Variants in ZC3H12C observed in about 807,000 individuals in gnomAD.
ZC3H12C encodes zinc finger CCCH-type containing 12C, also known as probable ribonuclease ZC3H12C.
ZC3H12C carries 20 observed loss-of-function variants against 76.3 expected under a neutral mutation model. The ratio of observed to expected loss-of-function variants is 0.26; its 90% confidence interval spans 0.18 to 0.38. ZC3H12C has a LOEUF of 0.38. ZC3H12C is among the 10% of genes least tolerant of loss of function. The probability of loss-of-function intolerance (pLI) is 1.00; values close to 1 mark genes in which losing one functional copy is unlikely to be tolerated. For missense variants in ZC3H12C, 874 were observed against 1,086.5 expected (o/e 0.80, Z 2.75); for synonymous variants, 352 against 399.6 (o/e 0.88, Z 1.42).
chr11:110,137,011 C>G lies in ZC3H12C; in HGVS notation c.370C>G (p.Pro124Ala). The stretch of plus-strand genomic sequence containing the variant: ...GACTCACAGACAGCTCTGCAGGTCT[C>G]CCTGTTTAGAGCCTCACATACTCAA... ...TKTHRQLCRS[P>A]CLEPHILKRN... Residue 124 changes from proline (P) to alanine (A), a missense_variant, in exon 2 of 6, where the codon CCC (proline) becomes GCC (alanine). Transcript: ENST00000278590. 1.2e-6 allele frequency: 2 copies of G among 1,613,820 alleles called. No individual in the cohort carries two copies. Among genetic ancestry groups the G allele is most frequent in the Non-Finnish European group, 1.7e-6 (2 of 1,179,866 alleles).
intron 3 of ZC3H12C, among the ~76,000 whole-genome samples, chr11:110,157,964 A>G (rs1222801553): frequency 6.6e-6 from 1 of 152,238 alleles, no homozygotes; most frequent in East Asian, 1.9e-4. Context: ...ATGGATTGAA[A>G]AAAACTTAGT....
In ZC3H12C at chr11:110,163,201, C is replaced by G. The variant is rs192833108; in HGVS notation, c.1149-72C>G. ...AAAATTCCTTATAGAGGGAACAAAT[C>G]TTTGTACTCTTTTTAGAATTAAATT... On this transcript the variant is annotated intron_variant, in intron 4 of 5. Transcript: ENST00000278590. The G allele has an allele frequency of 4.3e-5, 58 of 1,353,958 alleles. No individual in the cohort carries two copies. In the Admixed American group the frequency reaches 1.1e-3, roughly 25 times the overall value. The allele number at this position is 1,353,958 out of a possible 1,614,324, so 83.9% of individuals were successfully genotyped here.
At chr11:110,159,917 T>A (rs1318012163) in intron 4 of ZC3H12C, among the ~76,000 whole-genome samples, 1 of 152,262 alleles carries the variant, frequency 6.6e-6, no homozygotes, top group Non-Finnish European at 1.5e-5. Context: ...GATTTCATTG[T>A]GGGTATGAAC....
chr11:110,135,667 G>A (rs1197828080), intron 1 of ZC3H12C, among the ~76,000 whole-genome samples: 1 of 151,874 alleles, frequency 6.6e-6, no homozygotes, highest in African/African-American at 2.4e-5. Flanking sequence ...AATAGTAAAA[G>A]TATTCTTATA....
intron 1 of ZC3H12C, chr11:110,131,375 TTAAAG>T (rs1320548552): frequency 2.5e-6 from 1 of 398,502 alleles, no homozygotes; most frequent in Non-Finnish European, 4.4e-6. Flanking sequence ...CATTTGGAAC[TTAAAG>T]TCAAGTTATA....
At chr11:110,122,340 A>AT (rs1259845838) in intron 1 of ZC3H12C, among the ~76,000 whole-genome samples, 2 of 152,136 alleles carry the variant, frequency 1.3e-5, no homozygotes, top group Non-Finnish European at 2.9e-5. Flanking sequence ...TAAAATACGC[A>AT]TTTTTGGTCA....
At chr11:110,144,367 G>A (rs1019648203) in intron 2 of ZC3H12C, among the ~76,000 whole-genome samples, 2 of 152,132 alleles carry the variant, frequency 1.3e-5, no homozygotes, top group Admixed American at 6.6e-5. Context: ...TTCTCACAAC[G>A]CTATGAGGTA....
At chr11:110,131,081 C>CA in intron 1 of ZC3H12C, 1 of 1,535,078 alleles carries the variant, frequency 6.5e-7, no homozygotes, top group East Asian at 2.4e-5. Context: ...CTACAGAAAC[C>CA]AATGTCTTTG....
intron 2 of ZC3H12C, among the ~76,000 whole-genome samples, chr11:110,147,898 T>C (rs1339781545): frequency 2.0e-5 from 3 of 152,176 alleles, no homozygotes; most frequent in African/African-American, 4.8e-5. Flanking sequence ...CATTAGAATA[T>C]TCTAATAAGG....
Position 110,117,842 on chromosome 11 carries a change from T to TAC in ZC3H12C, c.22-18811_22-18810dup, listed in dbSNP as rs879315428. ...TACACACACACATATAATATATATA[T>TAC]ACACACACACATATATATAATATAT... On this transcript the variant is annotated intron_variant, in intron 1 of 5. Coordinates refer to ENST00000278590, the MANE Select transcript of ZC3H12C (RefSeq NM_033390.2). 2.3e-5 allele frequency among the ~76,000 whole-genome samples: 3 copies of TAC among 127,914 alleles called. 1 individual carries two copies. Among genetic ancestry groups the TAC allele is most frequent in the Non-Finnish European group, 4.7e-5 (3 of 63,418 alleles). The allele number at this position is 127,914 out of a possible 152,430, so 83.9% of individuals were successfully genotyped here. A position where few individuals can be genotyped will look rare whatever the true frequency, so the allele number is the denominator to read the frequency against.
chr11:110,101,276 T>C (rs1199890994), intron 1 of ZC3H12C, among the ~76,000 whole-genome samples: 1 of 151,948 alleles, frequency 6.6e-6, no homozygotes, highest in East Asian at 1.9e-4. Flanking sequence ...AAAGCAAGAG[T>C]GTTAGGTGAA....
intron 1 of ZC3H12C, among the ~76,000 whole-genome samples, chr11:110,114,986 G>A (rs1475057304): frequency 6.6e-6 from 1 of 152,104 alleles, no homozygotes; most frequent in Non-Finnish European, 1.5e-5. Flanking sequence ...AGGAGAGGTG[G>A]GAGAGTACTG....
chr11:110,135,847 T>C (rs1861949194), intron 1 of ZC3H12C: 1 of 152,150 alleles, frequency 6.6e-6, no homozygotes, highest in Non-Finnish European at 1.5e-5. Context: ...TCATCTCTGC[T>C]TTCCGTAAGT....
At chr11:110,107,274 G>T (rs1861346264) in intron 1 of ZC3H12C, among the ~76,000 whole-genome samples, 1 of 152,182 alleles carries the variant, frequency 6.6e-6, no homozygotes, top group African/African-American at 2.4e-5. Flanking sequence ...TATAAATTTT[G>T]AGACCTATTT....
At chr11:110,139,869 CTTTTTTTT>C (rs58867910) in intron 2 of ZC3H12C, among the ~76,000 whole-genome samples, 1 of 131,528 alleles carries the variant, frequency 7.6e-6, no homozygotes, top group African/African-American at 2.8e-5. Context: ...CATATATTTT[CTTTTTTTT>C]TTTTTTTTTG....
chr11:110,167,820 C>T lies in ZC3H12C; in HGVS notation c.*2083C>T, dbSNP rs984305920. 6.6e-6 allele frequency: 1 copy of T among 152,132 alleles called. No individual in the cohort carries two copies. The highest frequency in any genetic ancestry group is 2.4e-5 in the African/African-American group (1 of 41,432). 9.4% of individuals were successfully genotyped at this position (152,132 alleles called of 1,614,324 possible). On this transcript the variant is annotated 3_prime_UTR_variant, in exon 6 of 6. Coordinates refer to ENST00000278590, the MANE Select transcript of ZC3H12C (RefSeq NM_033390.2). ...CAGAAATAATATGGGTGAGGCCACA[C>T]AACCCATTCTGAGTGGTGTCTGTCT...
Position 110,167,777 on chromosome 11 carries a change from G to A in ZC3H12C, c.*2040G>A, listed in dbSNP as rs185080189. On this transcript the variant is annotated 3_prime_UTR_variant, in exon 6 of 6. Transcript: ENST00000278590. ...TATTGCTGTTGTGTTTGAAATGAGTGTGGCACTCATCTGTATCCAGAAATA... is the reference window on the plus strand; with the variant it reads ...TATTGCTGTTGTGTTTGAAATGAGTATGGCACTCATCTGTATCCAGAAATA... The A allele has an allele frequency of 9.2e-5, 14 of 152,294 alleles. No individual in the cohort carries two copies. The East Asian group carries it at 2.1e-3, about 23-fold the overall frequency. 9.4% of individuals were successfully genotyped at this position (152,294 alleles called of 1,614,324 possible). A position where few individuals can be genotyped will look rare whatever the true frequency, so the allele number is the denominator to read the frequency against.
Position 110,159,343 on chromosome 11 carries a change from A to G in ZC3H12C, c.1001A>G (p.Tyr334Cys). Residue 334 changes from tyrosine to cysteine, a missense_variant, in exon 4 of 6, where the codon TAT (tyrosine) becomes TGT (cysteine). Around this residue, in one of 3 missense-constraint regions of ZC3H12C, gnomAD observed 269 missense variants for 424.9 expected, o/e 0.63. Transcript: ENST00000278590. ...RRVQGRRVVCYDDRFIVKLAF... is the reference protein window; with the variant it reads ...RRVQGRRVVCCDDRFIVKLAF... ...GTCCAGGGGAGGAGAGTGGTGTGCT[A>G]TGACGACAGGTTCATCGTGAAGCTG... The G allele has an allele frequency of 1.2e-6, 2 of 1,614,080 alleles. No individual in the cohort carries two copies. The highest frequency in any genetic ancestry group is 8.5e-7 in the Non-Finnish European group (1 of 1,180,010).
intron 1 of ZC3H12C, among the ~76,000 whole-genome samples, chr11:110,115,782 A>C (rs1467410154): frequency 7.8e-5 from 10 of 127,740 alleles, no homozygotes; most frequent in African/African-American, 1.5e-4. Context: ...TTTGAGATGG[A>C]GTCTCACTCA....
Sources: allele counts gnomAD v4.1 joint callset (sites outside exome capture counted in the v4.1 genomes callset), GRCh38; gene constraint gnomAD v4.1.1; regional missense constraint gnomAD v4.1.1; transcripts MANE v1.5; gene names NCBI Gene and HGNC (gene_info 2026-07-23, HGNC 2026-07-21).